ALX1: variants seen among roughly 807,000 people sequenced by gnomAD.
The protein encoded by ALX1 is ALX homeobox protein 1.
In ALX1, 19 loss-of-function variants were observed where a neutral mutation model predicts 31.7. The observed-to-expected ratio is 0.60, with a 90% CI of 0.42 to 0.88. ALX1 has a LOEUF of 0.88. Among genes scored for constraint, ALX1 ranks in the 40% least tolerant of loss-of-function variants. The pLI is 0.00. For synonymous variants in ALX1, 153 were observed against 148.8 expected (o/e 1.03, Z -0.20); for missense variants, 415 against 407.8 (o/e 1.02, Z -0.15).
chr12:85,301,707 T>A lies in ALX1; in HGVS notation c.*232T>A, dbSNP rs987436360. 3 of 567,698 alleles carry A rather than the reference T, an allele frequency of 5.3e-6. No homozygotes were observed. The African/African-American group carries it at 5.6e-5, about 11-fold the overall frequency. 35.2% of individuals were successfully genotyped at this position (567,698 alleles called of 1,614,324 possible). On this transcript the variant is annotated 3_prime_UTR_variant, in exon 4 of 4. Transcript: ENST00000316824. ...GTCTCCACAAACCCTGTTTTAGTAG[T>A]AAGGTTTTCTTTTTCTATTGTACAA...
chr12:85,291,693 A>G lies in ALX1; in HGVS notation c.660+4712A>G, dbSNP rs1896820598. Reference sequence around the variant, plus strand: ...TTCAGATTCTTTATTTGTAAAATGGAAGTATTGTTGGTGCTGGTGTTTGTG... The same window carrying G: ...TTCAGATTCTTTATTTGTAAAATGGGAGTATTGTTGGTGCTGGTGTTTGTG... On this transcript the variant is annotated intron_variant, in intron 3 of 3. Transcript: ENST00000316824. 2.0e-5 allele frequency among the ~76,000 whole-genome samples: 3 copies of G among 150,956 alleles called. No homozygotes were observed. The South Asian group carries it at 6.2e-4, about 31-fold the overall frequency.
intron 1 of ALX1, among the ~76,000 whole-genome samples, chr12:85,280,917 G>A (rs1207936101): frequency 6.7e-6 from 1 of 150,228 alleles, no homozygotes; most frequent in African/African-American, 2.5e-5. Context: ...CGTCACTGTC[G>A]TCACGAGTAG....
At chr12:85,282,629 G>C (rs570375833) in intron 1 of ALX1, among the ~76,000 whole-genome samples, 143 of 152,210 alleles carry the variant, frequency 9.4e-4, no homozygotes, top group African/African-American at 3.2e-3. Context: ...TTCACTATGT[G>C]CATCCATTGC....
rs1183122574 is a variant in ALX1 at position 85,301,124 on chromosome 12, AATGTAAT to A, written c.661-28_661-22del. The A allele has an allele frequency of 6.8e-6, 11 of 1,609,694 alleles. No individual in the cohort carries two copies. In the Admixed American group the frequency reaches 1.0e-4, roughly 15 times the overall value. On this transcript the variant is annotated intron_variant, in intron 3 of 3. Coordinates refer to ENST00000316824, the MANE Select transcript of ALX1 (RefSeq NM_006982.3). ...AAGAGAACAAAAGTGAGAACATGTA[AATGTAAT>A]ATTTGTTGTTTTATATATTCCAGAT...
chr12:85,299,874 A>G (rs992524276), intron 3 of ALX1, among the ~76,000 whole-genome samples: 6 of 151,962 alleles, frequency 3.9e-5, no homozygotes, highest in African/African-American at 9.7e-5. Flanking sequence ...ATAGGAAGAC[A>G]TATGTGTCCT....
chr12:85,288,194 G>T (rs1367380924), intron 3 of ALX1, among the ~76,000 whole-genome samples: 1 of 151,478 alleles, frequency 6.6e-6, no homozygotes, highest in Non-Finnish European at 1.5e-5. Context: ...GAATTGGTTT[G>T]TGATCATACA....
chr12:85,293,356 T>C lies in ALX1; in HGVS notation c.660+6375T>C, dbSNP rs192558705. 2.1e-3 allele frequency among the ~76,000 whole-genome samples: 315 copies of C among 150,626 alleles called. 3 individuals carry two copies. The highest frequency in any genetic ancestry group is 2.7e-3 in the Non-Finnish European group (184 of 67,076). ...AGTTAGCTACAGTGAATTCTTTTCTTAATTTTTATTTTGTTGAAATATTTT... is the reference window on the plus strand; with the variant it reads ...AGTTAGCTACAGTGAATTCTTTTCTCAATTTTTATTTTGTTGAAATATTTT... On this transcript the variant is annotated intron_variant, in intron 3 of 3. Coordinates refer to ENST00000316824, the MANE Select transcript of ALX1 (RefSeq NM_006982.3).
intron 1 of ALX1, among the ~76,000 whole-genome samples, chr12:85,282,670 T>A (rs1384615315): frequency 1.3e-5 from 2 of 152,226 alleles, no homozygotes; most frequent in Non-Finnish European, 2.9e-5. Flanking sequence ...ATATGATATA[T>A]CTTTGTTTTA....
chr12:85,285,906 G>A lies in ALX1; in HGVS notation c.532-947G>A, dbSNP rs369470805. The stretch of plus-strand genomic sequence containing the variant: ...CCTTTAATATTAAAGTGAAGATATT[G>A]GAATATTACAGGTATGAATTAATGA... On this transcript the variant is annotated intron_variant, in intron 2 of 3. Coordinates refer to ENST00000316824, the MANE Select transcript of ALX1 (RefSeq NM_006982.3). 5.3e-5 allele frequency among the ~76,000 whole-genome samples: 8 copies of A among 151,874 alleles called. No homozygotes were observed. The East Asian group carries it at 5.8e-4, about 11-fold the overall frequency.
chr12:85,301,459 T>A lies in ALX1; in HGVS notation c.965T>A (p.Ile322Asn). Residue 322 changes from isoleucine to asparagine, a missense_variant, in exon 4 of 4, where the codon ATT becomes AAT. Around this residue, in one of 3 missense-constraint regions of ALX1, gnomAD observed 174 missense variants for 177.5 expected, o/e 0.98. Coordinates refer to ENST00000316824, the MANE Select transcript of ALX1 (RefSeq NM_006982.3). ...AAAGCCAAGGAGCACACCGCCAATA[T>A]TTCATGGGCCATGTAACATACAGTA... is the stretch of plus-strand genomic sequence containing the variant. ...RMKAKEHTAN[I>N]SWAM The A allele has an allele frequency of 6.2e-7, 1 of 1,614,012 alleles. No homozygotes were observed. Among genetic ancestry groups the A allele is most frequent in the Non-Finnish European group, 8.5e-7 (1 of 1,179,944 alleles).
At position 85,301,269 on chromosome 12, in the gene ALX1, G is replaced by C. The variant is rs1259147934; in HGVS notation, c.775G>C (p.Asp259His). 5 of 1,614,012 alleles carry C rather than the reference G, an allele frequency of 3.1e-6. No individual in the cohort carries two copies. The Admixed American group carries it at 5.0e-5, about 16-fold the overall frequency. ...ACCTTATTCTCACTCGCCTCGGACA[G>C]ATTCCAGTTACACGGGGTTTTCAAA... is the stretch of plus-strand genomic sequence containing the variant. The part of the protein sequence containing the change: ...MTPYSHSPRT[D>H]SSYTGFSNHQ... Residue 259 changes from aspartate (D) to histidine (H), a missense_variant, in exon 4 of 4, where the codon GAT (aspartate) becomes CAT (histidine). Transcript: ENST00000316824.
chr12:85,293,540 C>T (rs1260643374), intron 3 of ALX1, among the ~76,000 whole-genome samples: 1 of 150,550 alleles, frequency 6.6e-6, no homozygotes, highest in East Asian at 1.9e-4. Context: ...GCACTCCTGT[C>T]AATTATGAAA....
At position 85,301,294 on chromosome 12, in the gene ALX1, A is replaced by G. The variant is rs1218457637; in HGVS notation, c.800A>G (p.Asn267Ser). Residue 267 changes from asparagine (N) to serine (S), a missense_variant, in exon 4 of 4, where the codon AAC (asparagine) becomes AGC (serine). Around this residue, in one of 3 missense-constraint regions of ALX1, gnomAD observed 174 missense variants for 177.5 expected, o/e 0.98. Coordinates refer to ENST00000316824, the MANE Select transcript of ALX1 (RefSeq NM_006982.3). ...GATTCCAGTTACACGGGGTTTTCAA[A>G]CCACCAGAACCAGTTCAGCCACGTG... ...RTDSSYTGFS[N>S]HQNQFSHVPL... The G allele has an allele frequency of 2.5e-6, 4 of 1,613,830 alleles. No individual in the cohort carries two copies. Among genetic ancestry groups the G allele is most frequent in the African/African-American group, 1.3e-5 (1 of 74,860 alleles).
At chr12:85,298,997 T>C (rs557387005) in intron 3 of ALX1, among the ~76,000 whole-genome samples, 1 of 151,744 alleles carries the variant, frequency 6.6e-6, no homozygotes, top group East Asian at 1.9e-4. Context: ...CTTTTTCATC[T>C]AGTTGGTGAA....
chr12:85,280,924 G>C (rs900880561), intron 1 of ALX1, among the ~76,000 whole-genome samples: 11 of 143,938 alleles, frequency 7.6e-5, no homozygotes, highest in African/African-American at 3.2e-4. Context: ...GTCGTCACGA[G>C]TAGGGAAAAA....
rs1330229863 is a variant in ALX1, at chr12:85,280,459, G to A, written c.198G>A (p.Glu66=). ...GCGCCGAGCATCACGTGCGCTTGGAGAGGACCTCGCCCTGTCAGGACAGCA... is the reference window on the plus strand; with the variant it reads ...GCGCCGAGCATCACGTGCGCTTGGAAAGGACCTCGCCCTGTCAGGACAGCA... ...LPRAEHHVRL[E]RTSPCQDSSV... is the part of the protein sequence containing the mutation. The change falls in exon 1 of 4, where the codon GAG becomes GAA. Residue 66 remains glutamate (E), a synonymous_variant. Coordinates refer to ENST00000316824, the MANE Select transcript of ALX1 (RefSeq NM_006982.3). The A allele has an allele frequency of 6.2e-7, 1 of 1,611,708 alleles. No homozygotes were observed. The highest frequency in any genetic ancestry group is 8.5e-7 in the Non-Finnish European group (1 of 1,180,006).
chr12:85,290,035 A>T (rs1480468276), intron 3 of ALX1, among the ~76,000 whole-genome samples: 1 of 151,212 alleles, frequency 6.6e-6, no homozygotes, highest in Non-Finnish European at 1.5e-5. Flanking sequence ...GGACAGAAAT[A>T]AAGAATTAGC....
At position 85,283,575 on chromosome 12, in the gene ALX1, A is replaced by G; in HGVS notation, c.230A>G (p.Asn77Ser). Reference protein sequence around the residue: ...RTSPCQDSSVNYGITKVEGQP... With the variant: ...RTSPCQDSSVSYGITKVEGQP... ...GTTTTTCCTCCTCTGGGTACAGTGA[A>G]CTATGGGATCACTAAAGTAGAAGGA... Residue 77 changes from asparagine (N) to serine (S), a missense_variant, in exon 2 of 4, where the codon AAC becomes AGC. Transcript: ENST00000316824. The G allele has an allele frequency of 6.2e-7, 1 of 1,614,046 alleles. No individual in the cohort carries two copies.
intron 3 of ALX1, among the ~76,000 whole-genome samples, chr12:85,296,793 G>A (rs1400778518): frequency 6.7e-6 from 1 of 149,918 alleles, no homozygotes; most frequent in African/African-American, 2.4e-5. Flanking sequence ...TGGTTGTAAA[G>A]CCCTTGAATA....
Sources: gnomAD v4.1 joint callset for allele counts (sites outside exome capture counted in the v4.1 genomes callset) on GRCh38, gnomAD v4.1.1 for gene constraint, gnomAD v4.1.1 regional missense constraint, MANE v1.5 for transcripts, NCBI Gene and HGNC (gene_info 2026-07-23, HGNC 2026-07-21) for gene names.